The following KCNIP3 variants were observed in gnomAD, a reference collection of about 807,000 sequenced individuals.
The protein encoded by KCNIP3 is calsenilin.
In KCNIP3, 28 loss-of-function variants were observed where a neutral mutation model predicts 35.0. The ratio of observed to expected loss-of-function variants is 0.80; its 90% confidence interval spans 0.59 to 1.10. KCNIP3 has a LOEUF of 1.10. Among genes scored for constraint, KCNIP3 ranks in the 50% least tolerant of loss-of-function variants. The pLI, the probability that KCNIP3 is intolerant of heterozygous loss-of-function variation, is 0.00. For synonymous variants in KCNIP3, 134 were observed against 133.8 expected (o/e 1.00, Z -0.01); for missense variants, 295 against 338.4 (o/e 0.87, Z 1.01).
In KCNIP3 at chr2:95,385,133, C is replaced by T. The variant is rs1680466321; in HGVS notation, c.*1084C>T. The T allele has an allele frequency of 6.5e-6, 1 of 152,756 alleles. No homozygotes were observed. Among genetic ancestry groups the T allele is most frequent in the South Asian group, 2.1e-4 (1 of 4,832 alleles). The allele number at this position is 152,756 out of a possible 1,614,324, so 9.5% of individuals were successfully genotyped here. ...AAAGCACAAGCATTCCTTAGCAGCT[C>T]AGGCGCAGCCCTAGTGGGAGCCCAG... On this transcript the variant is annotated 3_prime_UTR_variant, in exon 9 of 9. Coordinates refer to ENST00000295225, the MANE Select transcript of KCNIP3 (RefSeq NM_013434.5).
rs185619806 is a variant in KCNIP3, at chr2:95,365,451, C to T, written c.182-8845C>T. On this transcript the variant is annotated intron_variant, in intron 2 of 8. Coordinates refer to ENST00000295225, the MANE Select transcript of KCNIP3 (RefSeq NM_013434.5). ...TGCTGGGATTACAGGCATGAGCCAC[C>T]GCACTTGGCCCCTTATGTCATTTTT... 6.0e-4 allele frequency among the ~76,000 whole-genome samples: 92 copies of T among 152,288 alleles called. 1 individual carries two copies. The highest frequency in any genetic ancestry group is 8.8e-4 in the Non-Finnish European group (60 of 68,032).
At chr2:95,314,467 C>G (rs1678403003) in intron 2 of KCNIP3, among the ~76,000 whole-genome samples, 1 of 152,172 alleles carries the variant, frequency 6.6e-6, no homozygotes, top group African/African-American at 2.4e-5. Flanking sequence ...GATCCAAACC[C>G]CCATTCCTGA....
intron 2 of KCNIP3, among the ~76,000 whole-genome samples, chr2:95,337,304 A>C (rs140868582): frequency 2.0e-5 from 3 of 151,638 alleles, no homozygotes; most frequent in African/African-American, 7.3e-5. Context: ...GTGCCCTCCT[A>C]GAGTTGCTGT....
chr2:95,374,740 G>T, intron 3 of KCNIP3, 108 bp from the exon 4 acceptor site: 1 of 1,298,760 alleles, frequency 7.7e-7, no homozygotes, highest in East Asian at 2.4e-5. Context: ...AGTGCCACAG[G>T]CAGCAGGCAG....
At chr2:95,308,918 C>A (rs1678245941) in intron 1 of KCNIP3, among the ~76,000 whole-genome samples, 1 of 152,236 alleles carries the variant, frequency 6.6e-6, no homozygotes, top group Non-Finnish European at 1.5e-5. Context: ...CAACCAAATA[C>A]TTTTCAGGAC....
Position 95,349,085 on chromosome 2 carries a change from A to G in KCNIP3, c.182-25211A>G, listed in dbSNP as rs192535872. On this transcript the variant is annotated intron_variant, in intron 2 of 8. Coordinates refer to ENST00000295225, the MANE Select transcript of KCNIP3 (RefSeq NM_013434.5). Reference sequence around the variant, plus strand: ...TGGTTGCAGCCATTCTCTCACTCAGACACCCCCCCCCGCCCCCCGTCAGAG... The same window carrying G: ...TGGTTGCAGCCATTCTCTCACTCAGGCACCCCCCCCCGCCCCCCGTCAGAG... Among the ~76,000 whole-genome samples the G allele has an allele frequency of 2.7e-3, 403 of 150,458 alleles. 2 individuals carry two copies. Among genetic ancestry groups the G allele is most frequent in the Non-Finnish European group, 4.8e-3 (325 of 67,662 alleles).
intron 2 of KCNIP3, among the ~76,000 whole-genome samples, chr2:95,330,638 T>G (rs1678906615): frequency 1.3e-5 from 2 of 152,164 alleles, no homozygotes; most frequent in African/African-American, 4.8e-5. Flanking sequence ...TCACTAGAAC[T>G]GCAGCTGGCC....
intron 2 of KCNIP3, among the ~76,000 whole-genome samples, chr2:95,326,067 A>G (rs2104236923): frequency 6.7e-6 from 1 of 148,444 alleles, no homozygotes; most frequent in South Asian, 2.2e-4. Flanking sequence ...ATACACATTC[A>G]CTCATACTAA....
chr2:95,309,839 A>G (rs1234466265), intron 1 of KCNIP3, among the ~76,000 whole-genome samples: 1 of 152,222 alleles, frequency 6.6e-6, no homozygotes, highest in Non-Finnish European at 1.5e-5. Context: ...CCACCAGTGC[A>G]GCCCTCCTGG....
At chr2:95,370,431 C>A (rs191315963) in intron 2 of KCNIP3, among the ~76,000 whole-genome samples, 1 of 152,316 alleles carries the variant, frequency 6.6e-6, no homozygotes, top group East Asian at 1.9e-4. Context: ...TCAGCCAACA[C>A]CTGAGATGCT....
intron 2 of KCNIP3, among the ~76,000 whole-genome samples, chr2:95,371,379 A>C (rs1406543881): frequency 6.6e-6 from 1 of 152,200 alleles, no homozygotes; most frequent in African/African-American, 2.4e-5. Context: ...GTTTATTTCC[A>C]AATACTTGAG....
chr2:95,303,979 A>G (rs948529680), intron 1 of KCNIP3, among the ~76,000 whole-genome samples: 1 of 152,206 alleles, frequency 6.6e-6, no homozygotes, highest in Non-Finnish European at 1.5e-5. Context: ...ATTTTTAATG[A>G]ACTATTTGAT....
rs542034993 is a variant in KCNIP3, at chr2:95,374,558, C to T, written c.306+138C>T. ...TTGTGGGAAAGCTGTGTGGCGGGGG[C>T]AGGCTCCGGAATGGGCATCGCTGAG... is the stretch of plus-strand genomic sequence containing the variant. On this transcript the variant is annotated intron_variant, in intron 3 of 8. Coordinates refer to ENST00000295225, the MANE Select transcript of KCNIP3 (RefSeq NM_013434.5). The T allele has an allele frequency of 1.3e-3, 1,469 of 1,147,900 alleles. 5 individuals are homozygous for T. The highest frequency in any genetic ancestry group is 3.4e-3 in the South Asian group (215 of 63,336). 71.1% of individuals were successfully genotyped at this position (1,147,900 alleles called of 1,614,324 possible). A position where few individuals can be genotyped will look rare whatever the true frequency, so the allele number is the denominator to read the frequency against.
intron 2 of KCNIP3, among the ~76,000 whole-genome samples, chr2:95,347,679 G>A (rs1573504732): frequency 6.6e-6 from 1 of 152,242 alleles, no homozygotes. Context: ...CCCACACTTG[G>A]ATCAGACACT....
intron 2 of KCNIP3, among the ~76,000 whole-genome samples, chr2:95,363,923 C>G (rs947970170): frequency 2.6e-5 from 4 of 152,186 alleles, no homozygotes; most frequent in Non-Finnish European, 5.9e-5. Context: ...ACTCTCCTGT[C>G]TGTTGATTCT....
intron 2 of KCNIP3, among the ~76,000 whole-genome samples, chr2:95,316,340 C>T (rs1213842141): frequency 1.3e-5 from 2 of 152,302 alleles, no homozygotes; most frequent in East Asian, 3.9e-4. Context: ...GGCAGGGGTG[C>T]GAGGCGCAGC....
Position 95,384,127 on chromosome 2 carries a change from G to A in KCNIP3, c.*78G>A, listed in dbSNP as rs1355743089. On this transcript the variant is annotated 3_prime_UTR_variant, in exon 9 of 9. Coordinates refer to ENST00000295225, the MANE Select transcript of KCNIP3 (RefSeq NM_013434.5). ...CCATCCTGCCAGGAGCAGCCTCCAAGAAACTTTTAAAAAATAGATTTGCAA... is the reference window on the plus strand; with the variant it reads ...CCATCCTGCCAGGAGCAGCCTCCAAAAAACTTTTAAAAAATAGATTTGCAA... 1 of 1,346,086 alleles carries A rather than the reference G, an allele frequency of 7.4e-7. No homozygotes were observed. Among genetic ancestry groups the A allele is most frequent in the Non-Finnish European group, 1.1e-6 (1 of 938,922 alleles). 83.4% of individuals were successfully genotyped at this position (1,346,086 alleles called of 1,614,324 possible). A position where few individuals can be genotyped will look rare whatever the true frequency, so the allele number is the denominator to read the frequency against.
intron 2 of KCNIP3, among the ~76,000 whole-genome samples, chr2:95,356,197 G>T (rs1236131954): frequency 1.3e-5 from 2 of 150,736 alleles, no homozygotes; most frequent in African/African-American, 4.9e-5. Flanking sequence ...GGGGTTGTTT[G>T]TTTTTTTTTC....
chr2:95,363,577 C>T (rs779147430), intron 2 of KCNIP3, among the ~76,000 whole-genome samples: 12 of 152,090 alleles, frequency 7.9e-5, no homozygotes, highest in Non-Finnish European at 1.6e-4. Context: ...GTTTGTTTCT[C>T]CATATACATT....
Sources: allele counts gnomAD v4.1 joint callset (sites outside exome capture counted in the v4.1 genomes callset), GRCh38; gene constraint gnomAD v4.1.1; transcripts MANE v1.5; gene names NCBI Gene and HGNC (gene_info 2026-07-23, HGNC 2026-07-21).